Variants in IMMP2L observed in about 807,000 individuals in gnomAD.
The protein encoded by IMMP2L is inner mitochondrial membrane peptidase subunit 2.
Under a neutral mutation model 19.3 loss-of-function variants are expected in IMMP2L, and 18 were observed. That is an observed-to-expected ratio of 0.93 (90% CI 0.64 to 1.38). IMMP2L has a LOEUF of 1.38. Ranked by LOEUF, IMMP2L falls within the 40% of genes most tolerant of loss-of-function variation. The pLI is 0.00. For missense variants in IMMP2L, 233 were observed against 218.2 expected (o/e 1.07, Z -0.43); for synonymous variants, 76 against 73.0 (o/e 1.04, Z -0.21).
rs538720189 is a variant in IMMP2L, at chr7:111,270,288, C to T, written c.239+216950G>A. 1.4e-4 allele frequency among the ~76,000 whole-genome samples: 21 copies of T among 152,234 alleles called. 1 individual carries two copies. In the South Asian group the frequency reaches 4.4e-3, roughly 32 times the overall value. ...TTCCATTACTTGAAAGTTATCATTA[C>T]CTGTCTCCCATTATGATAAACTTCA... On this transcript the variant is annotated intron_variant, in intron 3 of 5. Coordinates refer to ENST00000405709, the MANE Select transcript of IMMP2L (RefSeq NM_032549.4).
intron 5 of IMMP2L, among the ~76,000 whole-genome samples, chr7:110,721,189 G>A (rs1213077688): frequency 6.6e-6 from 1 of 151,858 alleles, no homozygotes; most frequent in Non-Finnish European, 1.5e-5. Context: ...ACCCATTCCA[G>A]GGACAAGCTG....
At chr7:111,325,550 T>C (rs1825221450) in intron 3 of IMMP2L, among the ~76,000 whole-genome samples, 1 of 151,776 alleles carries the variant, frequency 6.6e-6, no homozygotes, top group African/African-American at 2.4e-5. Flanking sequence ...ATTTTTAATC[T>C]TTCCATTATT....
intron 5 of IMMP2L, among the ~76,000 whole-genome samples, chr7:110,872,169 T>C (rs527660889): frequency 6.6e-6 from 1 of 152,250 alleles, no homozygotes; most frequent in Non-Finnish European, 1.5e-5. Context: ...TAATCACACT[T>C]AGTCTTAAAA....
intron 3 of IMMP2L, among the ~76,000 whole-genome samples, chr7:111,291,782 T>A (rs1821134325): frequency 6.6e-6 from 1 of 152,154 alleles, no homozygotes; most frequent in Admixed American, 6.6e-5. Flanking sequence ...ATGACAAGTA[T>A]ATTAGAGGAA....
intron 2 of IMMP2L, among the ~76,000 whole-genome samples, chr7:111,496,141 G>T (rs902156509): frequency 6.6e-6 from 1 of 152,180 alleles, no homozygotes; most frequent in Admixed American, 6.5e-5. Context: ...AGAATTATTA[G>T]ATGTCACACC....
intron 5 of IMMP2L, among the ~76,000 whole-genome samples, chr7:110,664,011 G>C (rs897185283): frequency 1.3e-5 from 2 of 152,094 alleles, no homozygotes; most frequent in South Asian, 2.1e-4. Flanking sequence ...AGAAAGCAAA[G>C]CTCAAAGAGG....
At chr7:111,325,478 G>A (rs1465074486) in intron 3 of IMMP2L, among the ~76,000 whole-genome samples, 1 of 151,556 alleles carries the variant, frequency 6.6e-6, no homozygotes, top group Admixed American at 6.6e-5. Flanking sequence ...ATTAGTAAAT[G>A]AATTCCAAAA....
intron 5 of IMMP2L, among the ~76,000 whole-genome samples, chr7:110,836,665 A>C (rs951262071): frequency 2.6e-5 from 4 of 152,178 alleles, no homozygotes; most frequent in African/African-American, 9.6e-5. Flanking sequence ...CCTCATAAAC[A>C]CACATGGCAA....
intron 4 of IMMP2L, among the ~76,000 whole-genome samples, chr7:110,954,496 C>T (rs958788012): frequency 2.0e-5 from 3 of 152,176 alleles, no homozygotes; most frequent in South Asian, 2.1e-4. Context: ...CAAAAACTAT[C>T]ACTATCTGAT....
intron 3 of IMMP2L, among the ~76,000 whole-genome samples, chr7:111,417,175 T>A (rs1047639003): frequency 1.3e-5 from 2 of 151,704 alleles, no homozygotes; most frequent in Non-Finnish European, 2.9e-5. Flanking sequence ...GCTTCAGGCC[T>A]CCTCATTTGA....
At chr7:111,142,551 G>A (rs978029825) in intron 3 of IMMP2L, among the ~76,000 whole-genome samples, 1 of 151,930 alleles carries the variant, frequency 6.6e-6, no homozygotes, top group Non-Finnish European at 1.5e-5. Context: ...TCCTGAACAG[G>A]ACAAGCAGAT....
At chr7:110,992,985 GATA>G (rs1822648216) in intron 3 of IMMP2L, among the ~76,000 whole-genome samples, 1 of 152,048 alleles carries the variant, frequency 6.6e-6, no homozygotes, top group African/African-American at 2.4e-5. Flanking sequence ...TAATGTAAAA[GATA>G]ATAACCTACT....
intron 5 of IMMP2L, among the ~76,000 whole-genome samples, chr7:110,681,669 G>A (rs1315358873): frequency 2.6e-5 from 4 of 152,160 alleles, no homozygotes; most frequent in African/African-American, 9.7e-5. Context: ...ACTGCAAGGT[G>A]TTCTATTTCA....
intron 3 of IMMP2L, among the ~76,000 whole-genome samples, chr7:111,126,051 G>C (rs1422426924): frequency 6.6e-6 from 1 of 151,920 alleles, no homozygotes; most frequent in Non-Finnish European, 1.5e-5. Context: ...TCGAACTCCT[G>C]GCCTCATATG....
chr7:111,555,423 A>G (rs189102251), intron 1 of IMMP2L, among the ~76,000 whole-genome samples: 55 of 150,494 alleles, frequency 3.7e-4, no homozygotes, highest in Admixed American at 8.7e-4. Context: ...GCCGGGAAGG[A>G]GTAGGCAAAC....
intron 3 of IMMP2L, among the ~76,000 whole-genome samples, chr7:111,081,010 G>A (rs1586140419): frequency 6.6e-6 from 1 of 152,208 alleles, no homozygotes; most frequent in Admixed American, 6.5e-5. Flanking sequence ...ATTTCAAAAT[G>A]AATTGAAGAC....
rs553457252 is a variant in IMMP2L, at chr7:110,790,719, T to C, written c.408+95874A>G. Among the ~76,000 whole-genome samples the C allele has an allele frequency of 5.3e-5, 8 of 151,816 alleles. No individual in the cohort carries two copies. The East Asian group carries it at 9.7e-4, about 18-fold the overall frequency. On this transcript the variant is annotated intron_variant, in intron 5 of 5. Transcript: ENST00000405709. ...TTTAAACAAGGGTCCTATTTTAATA[T>C]GATGAATTCAGAGCCGGCAAGCAAG...
intron 3 of IMMP2L, among the ~76,000 whole-genome samples, chr7:111,268,613 G>T (rs112122216): frequency 0.15 from 5,598 of 38,252 alleles, 227 homozygotes; most frequent in Middle Eastern, 0.31. Context: ...TTTTTTTTGA[G>T]ACCAAGTCTT....
intron 3 of IMMP2L, among the ~76,000 whole-genome samples, chr7:111,020,124 C>T (rs1826131752): frequency 1.3e-5 from 2 of 151,442 alleles, no homozygotes; most frequent in South Asian, 4.2e-4. Context: ...TGGCTCACAC[C>T]TGTAATCCCA....
Sources: allele counts gnomAD v4.1 joint callset (sites outside exome capture counted in the v4.1 genomes callset), GRCh38; gene constraint gnomAD v4.1.1; transcripts MANE v1.5; gene names NCBI Gene and HGNC (gene_info 2026-07-23, HGNC 2026-07-21).